The following CDC14A variants were observed in gnomAD, a reference collection of about 807,000 sequenced individuals.
CDC14A encodes cell division cycle 14A.
Under a neutral mutation model 74.4 loss-of-function variants are expected in CDC14A, and 53 were observed. The observed-to-expected ratio is 0.71, with a 90% CI of 0.57 to 0.89. The LOEUF (loss-of-function observed/expected upper bound fraction) is 0.89. Among genes scored for constraint, CDC14A ranks in the 40% least tolerant of loss-of-function variants. The pLI is 0.00. For missense variants in CDC14A, 646 were observed against 713.7 expected (o/e 0.91, Z 1.08); for synonymous variants, 247 against 258.4 (o/e 0.96, Z 0.43).
chr1:100,503,977 A>G (rs905975251), intron 15 of CDC14A, among the ~76,000 whole-genome samples: 1 of 152,180 alleles, frequency 6.6e-6, no homozygotes, highest in Non-Finnish European at 1.5e-5. Flanking sequence ...AAGCCTCTCT[A>G]CATCCCACCT....
At chr1:100,457,151 G>T (rs1235318485) in intron 8 of CDC14A, among the ~76,000 whole-genome samples, 2 of 152,190 alleles carry the variant, frequency 1.3e-5, no homozygotes, top group African/African-American at 4.8e-5. Flanking sequence ...TTCACCATTT[G>T]TGATTCATGT....
At chr1:100,432,051 A>G (rs1206131365) in intron 5 of CDC14A, among the ~76,000 whole-genome samples, 1 of 152,130 alleles carries the variant, frequency 6.6e-6, no homozygotes, top group Admixed American at 6.6e-5. Context: ...GAGTAAAATG[A>G]TTCCTGTATA....
In CDC14A at chr1:100,390,769, C is replaced by T; in HGVS notation, c.254C>T (p.Thr85Ile). ...TCAAGAAAGAAAATAGTGCACTACACCTGTTTTGACCAACGGAAAAGAGCA... is the reference window on the plus strand; with the variant it reads ...TCAAGAAAGAAAATAGTGCACTACATCTGTTTTGACCAACGGAAAAGAGCA... ...SLSRKKIVHY[T>I]CFDQRKRANA... Residue 85 changes from threonine (T) to isoleucine (I), a missense_variant, in exon 4 of 16, where the codon ACC (threonine) becomes ATC (isoleucine). Transcript: ENST00000336454. 1 of 1,613,040 alleles carries T rather than the reference C, an allele frequency of 6.2e-7. No individual in the cohort carries two copies. The highest frequency in any genetic ancestry group is 8.5e-7 in the Non-Finnish European group (1 of 1,179,356).
chr1:100,473,816 C>G (rs530858579), intron 10 of CDC14A, among the ~76,000 whole-genome samples: 1 of 152,168 alleles, frequency 6.6e-6, no homozygotes, highest in South Asian at 2.1e-4. Flanking sequence ...ATTTTATTTT[C>G]TTTCTAATCT....
In CDC14A at chr1:100,362,899, T is replaced by C. The variant is rs142982544; in HGVS notation, c.140+9047T>C. ...GTGGGTTAAGGAGCAGAGACTTTAA[T>C]AGGCAGAAGAAAGGACAGAGGAGAG... On this transcript the variant is annotated intron_variant, in intron 2 of 15. Transcript: ENST00000336454. Among the ~76,000 whole-genome samples, 92 of 152,302 alleles carry C rather than the reference T, an allele frequency of 6.0e-4. 1 individual carries two copies. The highest frequency in any genetic ancestry group is 1.2e-3 in the Non-Finnish European group (79 of 68,018).
chr1:100,496,223 ATTTTT>A (rs149672640), intron 13 of CDC14A, among the ~76,000 whole-genome samples, 174 bp downstream of exon 13: 1 of 144,506 alleles, frequency 6.9e-6, no homozygotes, highest in African/African-American at 2.5e-5. Flanking sequence ...CATGAAAAGG[ATTTTT>A]TTTTTTTTTT....
chr1:100,462,911 G>A, intron 9 of CDC14A, 30 bp downstream of exon 9: 2 of 1,557,510 alleles, frequency 1.3e-6, no homozygotes, highest in Admixed American at 1.7e-5. Context: ...GGTGGTGGCT[G>A]TGCTTATCGA....
intron 15 of CDC14A, among the ~76,000 whole-genome samples, chr1:100,512,678 A>C (rs142299313): frequency 6.6e-6 from 1 of 152,206 alleles, no homozygotes. Context: ...GAATCTATTA[A>C]AAATCATGTA....
chr1:100,358,484 G>C (rs1036568464), intron 2 of CDC14A, among the ~76,000 whole-genome samples: 1 of 152,156 alleles, frequency 6.6e-6, no homozygotes, highest in African/African-American at 2.4e-5. Context: ...CCTGTCCATT[G>C]TCATTTCTTC....
intron 10 of CDC14A, among the ~76,000 whole-genome samples, chr1:100,473,741 G>A (rs1668616896): frequency 6.6e-6 from 1 of 152,144 alleles, no homozygotes; most frequent in African/African-American, 2.4e-5. Context: ...TTTTATATGG[G>A]AGTGTGTGTG....
At chr1:100,397,485 T>A (rs1354700779) in intron 4 of CDC14A, among the ~76,000 whole-genome samples, 2 of 152,212 alleles carry the variant, frequency 1.3e-5, no homozygotes, top group African/African-American at 2.4e-5. Context: ...ATGAATTAAT[T>A]AGGTTCTTGC....
intron 10 of CDC14A, among the ~76,000 whole-genome samples, chr1:100,472,688 G>C (rs112075501): frequency 0.057 from 8,599 of 151,490 alleles, 822 homozygotes; most frequent in African/African-American, 0.2. Context: ...AAAGTTTATA[G>C]TTTTACATTC....
At chr1:100,465,866 T>C (rs1667753309) in intron 9 of CDC14A, among the ~76,000 whole-genome samples, 1 of 152,164 alleles carries the variant, frequency 6.6e-6, no homozygotes, top group African/African-American at 2.4e-5. Flanking sequence ...TATAAAGCAA[T>C]TGGTGTTTGA....
In CDC14A at chr1:100,518,347, G is replaced by A; in HGVS notation, c.*67G>A. 2.3e-6 allele frequency: 3 copies of A among 1,296,892 alleles called. No homozygotes were observed. Among genetic ancestry groups the A allele is most frequent in the Non-Finnish European group, 3.4e-6 (3 of 893,562 alleles). The allele number at this position is 1,296,892 out of a possible 1,614,324, so 80.3% of individuals were successfully genotyped here. A position where few individuals can be genotyped will look rare whatever the true frequency, so the allele number is the denominator to read the frequency against. ...AATTTCTTCATCTGGACGAGCAGTG[G>A]AGAGGGAAAGCAACTTCTTGCTGGA... On this transcript the variant is annotated 3_prime_UTR_variant, in exon 16 of 16. Coordinates refer to ENST00000336454, the MANE Select transcript of CDC14A (RefSeq NM_003672.4).
chr1:100,377,151 C>T (rs1255511547), intron 2 of CDC14A, among the ~76,000 whole-genome samples: 3 of 152,048 alleles, frequency 2.0e-5, no homozygotes, highest in Non-Finnish European at 4.4e-5. Context: ...AGTGATTCTC[C>T]TGCCTCAGCC....
intron 4 of CDC14A, among the ~76,000 whole-genome samples, chr1:100,399,326 C>T (rs1054238660): frequency 3.3e-5 from 5 of 152,056 alleles, no homozygotes; most frequent in African/African-American, 1.2e-4. Flanking sequence ...TAACACATCT[C>T]TTTCTATATT....
intron 15 of CDC14A, among the ~76,000 whole-genome samples, chr1:100,516,258 ATG>A (rs955134903): frequency 4.5e-4 from 68 of 152,008 alleles, no homozygotes; most frequent in South Asian, 8.3e-4. Context: ...GAATATATAT[ATG>A]TGTGTGTTTA....
chr1:100,385,836 CT>C lies in CDC14A; in HGVS notation c.217-4895del, dbSNP rs2086727544. Among the ~76,000 whole-genome samples the C allele has an allele frequency of 3.9e-5, 6 of 152,250 alleles. No individual in the cohort carries two copies. The South Asian group carries it at 1.2e-3, about 32-fold the overall frequency. ...GTCACAAGTGAGCAATAAATGCGAG[CT>C]GTTGTTGCGGTTATTATAGAGGGCT... On this transcript the variant is annotated intron_variant, in intron 3 of 15. Coordinates refer to ENST00000336454, the MANE Select transcript of CDC14A (RefSeq NM_003672.4).
At chr1:100,372,501 G>A (rs1163615379) in intron 2 of CDC14A, among the ~76,000 whole-genome samples, 3 of 152,174 alleles carry the variant, frequency 2.0e-5, no homozygotes, top group Non-Finnish European at 4.4e-5. Flanking sequence ...ATCTTCAAAA[G>A]GAGTAAATTC....
Sources: gnomAD v4.1 joint callset for allele counts (sites outside exome capture counted in the v4.1 genomes callset) on GRCh38, gnomAD v4.1.1 for gene constraint, MANE v1.5 for transcripts, NCBI Gene and HGNC (gene_info 2026-07-23, HGNC 2026-07-21) for gene names.